The following ADRA1B variants were observed in gnomAD, a reference collection of about 807,000 sequenced individuals.
ADRA1B encodes the protein adrenoceptor alpha 1B.
Under a neutral mutation model 17.9 loss-of-function variants are expected in ADRA1B, and 17 were observed. The observed-to-expected ratio is 0.95, with a 90% CI of 0.65 to 1.42. The LOEUF is 1.42. Among genes scored for constraint, ADRA1B ranks in the 40% most tolerant of loss-of-function variants. ADRA1B has a pLI of 0.00. For missense variants in ADRA1B, 681 were observed against 722.1 expected (o/e 0.94, Z 0.65); for synonymous variants, 366 against 327.6 (o/e 1.12, Z -1.27).
At position 159,972,905 on chromosome 5, in the gene ADRA1B, T is replaced by A. The variant is rs1299484072; in HGVS notation, c.*413T>A. Among the ~76,000 whole-genome samples the A allele has an allele frequency of 2.0e-5, 3 of 152,198 alleles. No individual in the cohort carries two copies. The highest frequency in any genetic ancestry group is 6.5e-5 in the Admixed American group (1 of 15,280). On this transcript the variant is annotated 3_prime_UTR_variant, in exon 2 of 2. Transcript: ENST00000306675. Reference sequence around the variant, plus strand: ...GCCCAGGAGGCAACCGGGGGCGTTGTGTGTGTCGTGACTTCGTACCTCTCA... The same window carrying A: ...GCCCAGGAGGCAACCGGGGGCGTTGAGTGTGTCGTGACTTCGTACCTCTCA...
chr5:159,939,278 A>AGAGAGAGTGTGT (rs1417832136), intron 1 of ADRA1B, among the ~76,000 whole-genome samples: 4 of 98,312 alleles, frequency 4.1e-5, no homozygotes, highest in Non-Finnish European at 6.0e-5. Flanking sequence ...AGAGAGAGAG[A>AGAGAGAGTGTGT]GTGTGTGTGT....
chr5:159,981,775 C>G, the ADRA1B span, among the ~76,000 whole-genome samples: 2 of 152,256 alleles, frequency 1.3e-5, no homozygotes, highest in African/African-American at 2.4e-5. Flanking sequence ...GGATTACAGA[C>G]GTGAGCTACC....
upstream of ADRA1B, among the ~76,000 whole-genome samples, chr5:159,913,540 A>G (rs77850689): frequency 2.9e-3 from 439 of 152,332 alleles, 2 homozygotes; most frequent in African/African-American, 9.8e-3. Flanking sequence ...GAACTTGTCA[A>G]TCTGGCTCAA....
At chr5:159,881,204 AAAAT>A (rs1394036431) in intron 1 of ADRA1B, among the ~76,000 whole-genome samples, 5 of 146,656 alleles carry the variant, frequency 3.4e-5, no homozygotes, top group African/African-American at 7.8e-5. Flanking sequence ...AAAAAAAAAA[AAAAT>A]TCTGGCATGA....
chr5:159,913,645 A>C (rs1754250502), upstream of ADRA1B, among the ~76,000 whole-genome samples: 1 of 152,218 alleles, frequency 6.6e-6, no homozygotes, highest in Admixed American at 6.5e-5. Flanking sequence ...ACCATCTCTG[A>C]ATCTCAGATT....
At chr5:159,880,999 T>A (rs1035033803) in intron 1 of ADRA1B, among the ~76,000 whole-genome samples, 2 of 152,108 alleles carry the variant, frequency 1.3e-5, no homozygotes, top group Admixed American at 1.3e-4. Flanking sequence ...TAATTAAAGA[T>A]TGCCTGGTTT....
At chr5:159,874,527 T>C (rs1753782172) in intron 1 of ADRA1B, among the ~76,000 whole-genome samples, 1 of 150,688 alleles carries the variant, frequency 6.6e-6, no homozygotes, top group Admixed American at 6.6e-5. Flanking sequence ...AAGCTGGTGG[T>C]GACTCATTCC....
At chr5:159,903,162 A>G (rs1027842796) in intron 1 of ADRA1B, among the ~76,000 whole-genome samples, 1 of 152,306 alleles carries the variant, frequency 6.6e-6, no homozygotes, top group South Asian at 2.1e-4. Flanking sequence ...CTGTCCCTCT[A>G]GAGGACCCAG....
chr5:159,947,824 C>A, intron 1 of ADRA1B: 1 of 985,404 alleles, frequency 1.0e-6, no homozygotes, highest in Non-Finnish European at 1.2e-6. Flanking sequence ...ATTGCATCAC[C>A]ATATTATCCG....
chr5:159,954,128 G>T (rs1173699815), intron 1 of ADRA1B, among the ~76,000 whole-genome samples: 1 of 152,180 alleles, frequency 6.6e-6, no homozygotes, highest in Non-Finnish European at 1.5e-5. Flanking sequence ...CAAGGAGGGG[G>T]TCAGCGAGAT....
intron 1 of ADRA1B, among the ~76,000 whole-genome samples, chr5:159,938,668 G>A (rs562730009): frequency 1.7e-3 from 254 of 152,344 alleles, no homozygotes; most frequent in African/African-American, 5.5e-3. Context: ...TAATACAATT[G>A]CTTAGGATTT....
intron 1 of ADRA1B, among the ~76,000 whole-genome samples, chr5:159,933,847 A>G (rs1045333194): frequency 6.6e-6 from 1 of 152,254 alleles, no homozygotes; most frequent in Non-Finnish European, 1.5e-5. Context: ...TGCCATCCCC[A>G]GGAAAACAAT....
chr5:159,906,957 A>G (rs1219465737), intron 1 of ADRA1B, among the ~76,000 whole-genome samples: 1 of 152,124 alleles, frequency 6.6e-6, no homozygotes, highest in Non-Finnish European at 1.5e-5. Flanking sequence ...TTCCCAGAGG[A>G]CCTGGAAGAT....
intron 1 of ADRA1B, among the ~76,000 whole-genome samples, chr5:159,878,118 GT>G (rs1753821127): frequency 6.6e-6 from 1 of 152,232 alleles, no homozygotes; most frequent in Admixed American, 6.5e-5. Context: ...TGCCGAGGCA[GT>G]CTCAGGCAGC....
At chr5:159,938,236 G>T (rs1755010168) in intron 1 of ADRA1B, among the ~76,000 whole-genome samples, 7 of 152,178 alleles carry the variant, frequency 4.6e-5, no homozygotes, top group Admixed American at 4.6e-4. Context: ...TTCTGTTGAA[G>T]TATCTTGTAT....
At position 159,923,044 on chromosome 5, in the gene ADRA1B, G is replaced by A. The variant is rs1754532606; in HGVS notation, c.949+5190G>A. Among the ~76,000 whole-genome samples, 7 of 152,382 alleles carry A rather than the reference G, an allele frequency of 4.6e-5. No individual in the cohort carries two copies. In the South Asian group the frequency reaches 1.4e-3, roughly 32 times the overall value. On this transcript the variant is annotated intron_variant, in intron 1 of 1. Transcript: ENST00000306675. ...GTTTGGAGAAGCTAATTCAGTGAAG[G>A]GGGCTGATAGAGGAAGAAAAGTGTG...
At chr5:159,926,469 C>T (rs1477194791) in intron 1 of ADRA1B, among the ~76,000 whole-genome samples, 1 of 152,166 alleles carries the variant, frequency 6.6e-6, no homozygotes, top group East Asian at 1.9e-4. Flanking sequence ...GGGATGTGTA[C>T]ATAGTAAACT....
intron 1 of ADRA1B, among the ~76,000 whole-genome samples, chr5:159,902,541 C>G (rs1397701708): frequency 6.6e-6 from 1 of 152,014 alleles, no homozygotes; most frequent in African/African-American, 2.4e-5. Context: ...TGAACCTATT[C>G]AAAGACAAAT....
intron 1 of ADRA1B, among the ~76,000 whole-genome samples, chr5:159,962,232 C>G (rs928206946): frequency 5.3e-5 from 8 of 152,064 alleles, no homozygotes; most frequent in African/African-American, 7.2e-5. Flanking sequence ...TAAAAAGATT[C>G]CTCCATTTAT....
Sources: gnomAD v4.1 joint callset for allele counts (sites outside exome capture counted in the v4.1 genomes callset) on GRCh38, gnomAD v4.1.1 for gene constraint, MANE v1.5 for transcripts, NCBI Gene and HGNC (gene_info 2026-07-23, HGNC 2026-07-21) for gene names.